Variants in PACSIN1 observed in about 807,000 individuals in gnomAD.
PACSIN1 encodes the protein protein kinase C and casein kinase substrate in neurons protein 1.
A neutral mutation model predicts 59.5 loss-of-function variants in PACSIN1; 15 were observed. That is an observed-to-expected ratio of 0.25 (90% CI 0.17 to 0.39). The LOEUF is 0.39. PACSIN1 is among the 10% of genes least tolerant of loss of function. The pLI is 1.00. For synonymous variants in PACSIN1, 210 were observed against 220.6 expected (o/e 0.95, Z 0.42); for missense variants, 420 against 580.2 (o/e 0.72, Z 2.84).
At chr6:34,474,098 T>G (rs1054934552) in intron 1 of PACSIN1, among the ~76,000 whole-genome samples, 1 of 152,202 alleles carries the variant, frequency 6.6e-6, no homozygotes, top group African/African-American at 2.4e-5. Context: ...CTTTTGCAGT[T>G]TATCTATGGG....
rs1007703968 is a variant in PACSIN1, at chr6:34,515,428, G to T, written c.-63-10815G>T. Among the ~76,000 whole-genome samples the T allele has an allele frequency of 6.6e-6, 1 of 152,146 alleles. No homozygotes were observed. The highest frequency in any genetic ancestry group is 2.4e-5 in the African/African-American group (1 of 41,436). ...CAGTCTGAAGCTAGACAGGGTATGC[G>T]GCAGAGGGCAGGGAGGAGTAAGGAT... On this transcript the variant is annotated intron_variant, in intron 1 of 9. Transcript: ENST00000244458. The surrounding 1 kb of genome is among the most constrained non-coding windows in gnomAD (Gnocchi z 4.4).
chr6:34,502,758 G>A (rs534771155), intron 1 of PACSIN1, among the ~76,000 whole-genome samples: 28 of 152,154 alleles, frequency 1.8e-4, no homozygotes, highest in Admixed American at 9.8e-4. Context: ...GAGCCACCGC[G>A]CCTGGCCGAA....
intron 1 of PACSIN1, among the ~76,000 whole-genome samples, chr6:34,485,656 T>C (rs1459337266): frequency 6.6e-6 from 1 of 152,138 alleles, no homozygotes; most frequent in Non-Finnish European, 1.5e-5. Flanking sequence ...CAGGGGACTC[T>C]AAGGCCACGG....
At chr6:34,526,129 C>A in intron 1 of PACSIN1, 114 bp from the exon 2 acceptor site, 1 of 590,458 alleles carries the variant, frequency 1.7e-6, no homozygotes. Context: ...AGGAAGATGG[C>A]ATCCTAATGC....
intron 1 of PACSIN1, among the ~76,000 whole-genome samples, chr6:34,504,228 A>C (rs1176529813): frequency 1.3e-5 from 2 of 149,946 alleles, no homozygotes; most frequent in African/African-American, 5.0e-5. Flanking sequence ...TGTTTTGAGA[A>C]GCACATCAGA....
intron 1 of PACSIN1, among the ~76,000 whole-genome samples, chr6:34,467,070 A>G (rs1378776379): frequency 6.6e-6 from 1 of 152,146 alleles, no homozygotes; most frequent in Admixed American, 6.5e-5. Flanking sequence ...ATGGCCGCTT[A>G]TTTCTAGGCA....
At chr6:34,512,544 CG>C (rs1169190773) in intron 1 of PACSIN1, among the ~76,000 whole-genome samples, 2 of 152,134 alleles carry the variant, frequency 1.3e-5, no homozygotes, top group African/African-American at 2.4e-5. Flanking sequence ...TCTTGGGCGC[CG>C]GGAGTCCCCA....
intron 1 of PACSIN1, among the ~76,000 whole-genome samples, chr6:34,511,206 C>T (rs1767197457): frequency 6.6e-6 from 1 of 152,212 alleles, no homozygotes; most frequent in Non-Finnish European, 1.5e-5. Flanking sequence ...GGGATTTAGT[C>T]AGACACCTCA....
At chr6:34,519,355 T>A (rs1767347798) in intron 1 of PACSIN1, among the ~76,000 whole-genome samples, 1 of 152,138 alleles carries the variant, frequency 6.6e-6, no homozygotes, top group South Asian at 2.1e-4. Flanking sequence ...GGATCATCAT[T>A]TCTAATGAGC....
At chr6:34,526,989 AG>A (rs564078765) in intron 2 of PACSIN1, among the ~76,000 whole-genome samples, 58 of 152,362 alleles carry the variant, frequency 3.8e-4, no homozygotes, top group African/African-American at 1.4e-3. Context: ...TAAATATAAT[AG>A]ATTTAACTCG....
Position 34,528,897 on chromosome 6 carries a change from A to AGG in PACSIN1, c.456+20_456+21insGG. On this transcript the variant is annotated intron_variant, in intron 4 of 9. Coordinates refer to ENST00000244458, the MANE Select transcript of PACSIN1 (RefSeq NM_020804.5). ...AAGGAGGTGCTCAGTGGGTGCTGCC[A>AGG]CGGGCGGGGTGGGGTGGGCCCGTCT... 3 of 465,356 alleles carry AGG rather than the reference A, an allele frequency of 6.4e-6. No individual in the cohort carries two copies. Among genetic ancestry groups the AGG allele is most frequent in the South Asian group, 1.8e-5 (1 of 54,140 alleles). The allele number at this position is 465,356 out of a possible 1,614,324, so 28.8% of individuals were successfully genotyped here.
chr6:34,492,639 C>T (rs7454888), intron 1 of PACSIN1, among the ~76,000 whole-genome samples: 7,729 of 152,336 alleles, frequency 0.051, 305 homozygotes, highest in East Asian at 0.19. Flanking sequence ...ACCTCAGCCT[C>T]CCAAAGTGCT....
At position 34,529,460 on chromosome 6, in the gene PACSIN1, G is replaced by A. The variant is rs760599834; in HGVS notation, c.520G>A (p.Glu174Lys). 4 of 1,614,180 alleles carry A rather than the reference G, an allele frequency of 2.5e-6. No homozygotes were observed. Among genetic ancestry groups the A allele is most frequent in the Non-Finnish European group, 3.4e-6 (4 of 1,180,046 alleles). The change falls in exon 5 of 10, where the codon GAG becomes AAG. Residue 174 changes from glutamate (E) to lysine (K), a missense_variant. Coordinates refer to ENST00000244458, the MANE Select transcript of PACSIN1 (RefSeq NM_020804.5). The surrounding 1 kb of genome is among the most constrained non-coding windows in gnomAD (Gnocchi z 6.3). ...AGAGGAAAAGCTGGCCATGACACGG[G>A]AGATGAACAGCAAGACGGAGCAATC... The part of the protein sequence containing the change: ...CKEEKLAMTR[E>K]MNSKTEQSVT...
chr6:34,482,684 G>GTTTTTT (rs56763761), intron 1 of PACSIN1, among the ~76,000 whole-genome samples: 2 of 139,044 alleles, frequency 1.4e-5, no homozygotes, highest in Admixed American at 7.1e-5. Context: ...TTTTGTTTTT[G>GTTTTTT]TTTTTTTTTT....
At position 34,531,963 on chromosome 6, in the gene PACSIN1, G is replaced by T. The variant is rs1336552193; in HGVS notation, c.1225+176G>T. Among the ~76,000 whole-genome samples, 2 of 151,990 alleles carry T rather than the reference G, an allele frequency of 1.3e-5. No individual in the cohort carries two copies. Among genetic ancestry groups the T allele is most frequent in the Non-Finnish European group, 2.9e-5 (2 of 68,000 alleles). On this transcript the variant is annotated intron_variant, in intron 9 of 9. Coordinates refer to ENST00000244458, the MANE Select transcript of PACSIN1 (RefSeq NM_020804.5). The surrounding 1 kb of genome is among the most constrained non-coding windows in gnomAD (Gnocchi z 4.4). ...GGATTGGGTGTGTGGTGGGGCAGGGGTGGTGCCTGAAAGAGAGGCTTGGGC... is the reference window on the plus strand; with the variant it reads ...GGATTGGGTGTGTGGTGGGGCAGGGTTGGTGCCTGAAAGAGAGGCTTGGGC...
chr6:34,490,755 C>T (rs1043108279), intron 1 of PACSIN1, among the ~76,000 whole-genome samples: 2 of 152,172 alleles, frequency 1.3e-5, no homozygotes, highest in African/African-American at 2.4e-5. Flanking sequence ...TCTGGCCAGA[C>T]ATGGCGGAAA....
chr6:34,486,261 T>TA (rs1385392940), intron 1 of PACSIN1, among the ~76,000 whole-genome samples: 7 of 151,962 alleles, frequency 4.6e-5, no homozygotes, highest in Non-Finnish European at 1.0e-4. Context: ...TGCCTCCCTT[T>TA]TTCTCAGAGC....
rs1767293706 is a variant in PACSIN1 at position 34,516,433 on chromosome 6, C to T, written c.-63-9810C>T. 6.6e-6 allele frequency among the ~76,000 whole-genome samples: 1 copy of T among 152,170 alleles called. No individual in the cohort carries two copies. The highest frequency in any genetic ancestry group is 2.1e-4 in the South Asian group (1 of 4,834). ...GCAGATTCGCCTGTGCGCACTGACA[C>T]TGCCTGCCCCTGCTCCTCCGAACCC... On this transcript the variant is annotated intron_variant, in intron 1 of 9. Transcript: ENST00000244458. This position sits in a 1 kb window ranked among gnomAD's most constrained non-coding sequence, Gnocchi z 5.4.
In PACSIN1 at chr6:34,533,896, G is replaced by C. The variant is rs926672138; in HGVS notation, c.*1366G>C. The C allele has an allele frequency of 6.6e-6, 1 of 152,294 alleles. No homozygotes were observed. Among genetic ancestry groups the C allele is most frequent in the Non-Finnish European group, 1.5e-5 (1 of 68,106 alleles). 9.4% of individuals were successfully genotyped at this position (152,294 alleles called of 1,614,324 possible). Reference sequence around the variant, plus strand: ...CAGTGGTGCCGGAGTGCTAGGTACCGCACGAGAGGGTGCGGGGGCTTGGGA... The same window carrying C: ...CAGTGGTGCCGGAGTGCTAGGTACCCCACGAGAGGGTGCGGGGGCTTGGGA... On this transcript the variant is annotated 3_prime_UTR_variant, in exon 10 of 10. Coordinates refer to ENST00000244458, the MANE Select transcript of PACSIN1 (RefSeq NM_020804.5).
Sources: allele counts gnomAD v4.1 joint callset (sites outside exome capture counted in the v4.1 genomes callset), GRCh38; gene constraint gnomAD v4.1.1; non-coding constraint Gnocchi (gnomAD v3.1); transcripts MANE v1.5; gene names NCBI Gene and HGNC (gene_info 2026-07-23, HGNC 2026-07-21).